NXPE2: variants seen among roughly 807,000 people sequenced by gnomAD.
NXPE2 encodes the protein NXPE family member 2.
Under a neutral mutation model 34.4 loss-of-function variants are expected in NXPE2, and 34 were observed. The ratio of observed to expected loss-of-function variants is 0.99; its 90% CI spans 0.75 to 1.31. The LOEUF (loss-of-function observed/expected upper bound fraction) is 1.31. Among genes scored for constraint, NXPE2 ranks in the 40% most tolerant of loss-of-function variants. The probability of loss-of-function intolerance (pLI) is 0.00; values close to 1 mark genes in which losing one functional copy is unlikely to be tolerated. For missense variants in NXPE2, 649 were observed against 672.5 expected (o/e 0.97, Z 0.39); for synonymous variants, 235 against 231.3 (o/e 1.02, Z -0.15).
chr11:114,583,986 T>C, the NXPE2 span: 44 of 373,636 alleles, frequency 1.2e-4, no homozygotes, highest in Non-Finnish European at 2.3e-4. Context: ...AAACTGGTCA[T>C]GTCCAAAGTA....
At chr11:114,573,078 A>T in the NXPE2 span, among the ~76,000 whole-genome samples, 1 of 152,188 alleles carries the variant, frequency 6.6e-6, no homozygotes, top group Non-Finnish European at 1.5e-5. Context: ...AAACAAAAAA[A>T]TTATCAGTCA....
chr11:114,786,945 G>A, the NXPE2 span, among the ~76,000 whole-genome samples: 1 of 152,122 alleles, frequency 6.6e-6, no homozygotes, highest in Non-Finnish European at 1.5e-5. Context: ...CCCTCCTCCA[G>A]GTCCCTGGTC....
the NXPE2 span, among the ~76,000 whole-genome samples, chr11:114,639,307 T>C: frequency 2.8e-4 from 42 of 152,178 alleles, no homozygotes; most frequent in African/African-American, 9.9e-4. Context: ...CACCGTTCCT[T>C]AAGCCCGTCG....
At chr11:114,651,346 C>G in the NXPE2 span, among the ~76,000 whole-genome samples, 1 of 151,530 alleles carries the variant, frequency 6.6e-6, no homozygotes, top group African/African-American at 2.4e-5. Context: ...GGTGGCACGT[C>G]CGGAGTTGTT....
chr11:114,793,477 C>A, the NXPE2 span, among the ~76,000 whole-genome samples: 1 of 152,202 alleles, frequency 6.6e-6, no homozygotes, highest in Admixed American at 6.5e-5. Context: ...TTGTTTGGAA[C>A]TGACTGTAGA....
At chr11:114,523,834 G>C in the NXPE2 span, among the ~76,000 whole-genome samples, 1 of 152,164 alleles carries the variant, frequency 6.6e-6, no homozygotes, top group Non-Finnish European at 1.5e-5. Flanking sequence ...CCAATGCCTT[G>C]TATTTTAGGA....
the NXPE2 span, among the ~76,000 whole-genome samples, chr11:114,663,659 TTATC>T: frequency 9.9e-6 from 1 of 101,072 alleles, no homozygotes; most frequent in Non-Finnish European, 2.2e-5. Flanking sequence ...TATCATCTAT[TTATC>T]TATCATCTAT....
chr11:114,735,088 C>T, the NXPE2 span, among the ~76,000 whole-genome samples: 1 of 151,996 alleles, frequency 6.6e-6, no homozygotes, highest in Non-Finnish European at 1.5e-5. Context: ...CTAGCCTGGG[C>T]AACAGAGCAA....
chr11:114,789,346 A>G, the NXPE2 span, among the ~76,000 whole-genome samples: 1 of 152,238 alleles, frequency 6.6e-6, no homozygotes, highest in African/African-American at 2.4e-5. Flanking sequence ...TATAAAGCAC[A>G]TGTATAAAAA....
At chr11:114,560,640 AT>A in the NXPE2 span, among the ~76,000 whole-genome samples, 1 of 152,156 alleles carries the variant, frequency 6.6e-6, no homozygotes, top group Middle Eastern at 3.2e-3. Context: ...GGGAAAGGGG[AT>A]ATGGTTCATT....
At chr11:114,714,643 C>A in the NXPE2 span, among the ~76,000 whole-genome samples, 3 of 152,210 alleles carry the variant, frequency 2.0e-5, no homozygotes, top group Non-Finnish European at 4.4e-5. Context: ...AGGTTCTTTA[C>A]ATGTGGCAGC....
the NXPE2 span, among the ~76,000 whole-genome samples, chr11:114,780,632 G>GTGGT: frequency 1.3e-5 from 2 of 152,332 alleles, no homozygotes; most frequent in African/African-American, 4.8e-5. Context: ...CTAGTAGAAG[G>GTGGT]TGGTTGCATC....
chr11:114,519,899 G>T, the NXPE2 span, among the ~76,000 whole-genome samples: 3 of 146,340 alleles, frequency 2.1e-5, no homozygotes, highest in African/African-American at 5.3e-5. Flanking sequence ...TTGTTTGTTT[G>T]TTTGTTTTTT....
the NXPE2 span, among the ~76,000 whole-genome samples, chr11:114,562,258 G>A: frequency 1.3e-5 from 2 of 152,292 alleles, no homozygotes; most frequent in South Asian, 4.1e-4. Flanking sequence ...TTTCTTCTGG[G>A]AGAGTGGTTA....
At chr11:114,468,037 G>T in the NXPE2 span, among the ~76,000 whole-genome samples, 1 of 151,742 alleles carries the variant, frequency 6.6e-6, no homozygotes, top group African/African-American at 2.4e-5. Flanking sequence ...TAGAGCAAGG[G>T]TGTCCAATCT....
chr11:114,775,915 G>A, the NXPE2 span, among the ~76,000 whole-genome samples: 1 of 151,824 alleles, frequency 6.6e-6, no homozygotes, highest in Non-Finnish European at 1.5e-5. Flanking sequence ...CCACTCTCAG[G>A]GGAATGAATC....
At chr11:114,468,631 C>G in the NXPE2 span, among the ~76,000 whole-genome samples, 18 of 152,294 alleles carry the variant, frequency 1.2e-4, no homozygotes, top group Non-Finnish European at 1.5e-4. Context: ...CTACTGGCAT[C>G]TAGTACATTA....
the NXPE2 span, among the ~76,000 whole-genome samples, chr11:114,580,844 G>A: frequency 6.6e-6 from 1 of 152,184 alleles, no homozygotes; most frequent in African/African-American, 2.4e-5. Flanking sequence ...AGGCTGGAGA[G>A]TGTCTTAGAG....
At chr11:114,713,599 A>G in the NXPE2 span, among the ~76,000 whole-genome samples, 24 of 152,236 alleles carry the variant, frequency 1.6e-4, no homozygotes, top group African/African-American at 5.8e-4. Flanking sequence ...ATTGAAAAAA[A>G]GTCAGATATA....
Sources: allele counts gnomAD v4.1 joint callset (sites outside exome capture counted in the v4.1 genomes callset), GRCh38; gene constraint gnomAD v4.1.1; transcripts MANE v1.5; gene names NCBI Gene and HGNC (gene_info 2026-07-23, HGNC 2026-07-21).